Variants in DLG5 observed in about 807,000 individuals in gnomAD.
The protein encoded by DLG5 is disks large homolog 5.
DLG5 carries 48 observed loss-of-function variants against 189.8 expected under a neutral mutation model. The ratio of observed to expected loss-of-function variants is 0.25; its 90% CI spans 0.20 to 0.32. The LOEUF (loss-of-function observed/expected upper bound fraction) is 0.32. DLG5 is among the 10% of genes least tolerant of loss of function. The pLI, the probability that DLG5 is intolerant of heterozygous loss-of-function variation, is 1.00. For synonymous variants in DLG5, 1,016 were observed against 1,054.1 expected, an observed-to-expected ratio of 0.96 and a Z score of 0.70; for missense variants, 2,160 against 2,544.7, an observed-to-expected ratio of 0.85 and a Z score of 3.25.
intron 7 of DLG5, 49 bp downstream of exon 7, chr10:77,841,831 CG>C: frequency 6.4e-7 from 1 of 1,565,100 alleles, no homozygotes; most frequent in Non-Finnish European, 8.7e-7. Context: ...CCCCTCTTCC[CG>C]GGATGCTGTA....
rs201511079 is a variant in DLG5 at position 77,843,672 on chromosome 10, T to C, written c.899A>G (p.Asn300Ser). ...GTCCATGGCCGTGTCATACAGTTTG[T>C]TGAGAATCTCGGATGACCCGTTGTG... ...LKHNGSSEIL[N>S]KLYDTAMDKL... is the part of the protein sequence containing the mutation. Residue 300 changes from asparagine to serine, a missense_variant, in exon 6 of 32, where the codon AAC becomes AGC. Asn to Ser is a conservative substitution (Grantham distance 46). Around this residue, in one of 5 missense-constraint regions of DLG5, gnomAD observed 664 missense variants for 838.5 expected, o/e 0.79. Coordinates refer to ENST00000372391, the MANE Select transcript of DLG5 (RefSeq NM_004747.4). 10 of 1,614,078 alleles carry C rather than the reference T, an allele frequency of 6.2e-6. No individual in the cohort carries two copies. Among genetic ancestry groups the C allele is most frequent in the Admixed American group, 3.3e-5 (2 of 59,994 alleles).
At chr10:77,886,364 G>A (rs1179562684) in intron 1 of DLG5, among the ~76,000 whole-genome samples, 3 of 145,642 alleles carry the variant, frequency 2.1e-5, no homozygotes, top group East Asian at 4.1e-4. Flanking sequence ...CTAGAGAACC[G>A]TGTGAGAGTA....
At chr10:77,918,433 G>A (rs940377239) in intron 1 of DLG5, among the ~76,000 whole-genome samples, 1 of 151,812 alleles carries the variant, frequency 6.6e-6, no homozygotes, top group African/African-American at 2.4e-5. Flanking sequence ...AGGTTCAAAT[G>A]GTAAATTTCA....
intron 14 of DLG5, among the ~76,000 whole-genome samples, chr10:77,822,386 C>A (rs1366797586): frequency 2.0e-5 from 3 of 152,198 alleles, no homozygotes; most frequent in African/African-American, 7.2e-5. Flanking sequence ...TGGCTCATGC[C>A]TGTAATCCCA....
chr10:77,868,373 G>C (rs927005619), intron 2 of DLG5: 7 of 350,928 alleles, frequency 2.0e-5, no homozygotes, highest in South Asian at 4.3e-5. Flanking sequence ...TGGCACACTG[G>C]AGGTGTTCAA....
At chr10:77,797,675 G>A (rs369626115) in intron 27 of DLG5, among the ~76,000 whole-genome samples, 14 of 152,296 alleles carry the variant, frequency 9.2e-5, no homozygotes, top group African/African-American at 3.4e-4. Context: ...GGGAGGAAGG[G>A]TCCATGAGAG....
At chr10:77,886,172 G>A (rs749564318) in intron 1 of DLG5, among the ~76,000 whole-genome samples, 1 of 152,102 alleles carries the variant, frequency 6.6e-6, no homozygotes, top group Non-Finnish European at 1.5e-5. Context: ...CTATCCCCAG[G>A]AATCAGCACC....
chr10:77,825,424 T>A (rs1842585008), intron 13 of DLG5, among the ~76,000 whole-genome samples: 1 of 102,572 alleles, frequency 9.7e-6, no homozygotes, highest in African/African-American at 3.4e-5. Context: ...ACAGTACCAA[T>A]GTCAATATGC....
At chr10:77,855,565 T>A (rs908820359) in intron 3 of DLG5, among the ~76,000 whole-genome samples, 1 of 152,260 alleles carries the variant, frequency 6.6e-6, no homozygotes, top group Non-Finnish European at 1.5e-5. Flanking sequence ...CCAATGAGCA[T>A]GGCTGTGTTC....
intron 2 of DLG5, chr10:77,868,271 CTTAT>C: frequency 2.7e-6 from 1 of 369,398 alleles, no homozygotes; most frequent in Non-Finnish European, 5.4e-6. Flanking sequence ...ACTGCAGCTA[CTTAT>C]TTAACTGTTT....
intron 9 of DLG5, among the ~76,000 whole-genome samples, chr10:77,832,898 C>CT (rs1303426472): frequency 1.3e-5 from 2 of 152,188 alleles, no homozygotes; most frequent in Non-Finnish European, 2.9e-5. Context: ...AGCACCCAAG[C>CT]TCCAGAGAGT....
chr10:77,886,954 C>A (rs2579139), intron 1 of DLG5, among the ~76,000 whole-genome samples: 1 of 152,020 alleles, frequency 6.6e-6, no homozygotes, highest in South Asian at 2.1e-4. Flanking sequence ...ATCTGACGCC[C>A]TGACCTTGGA....
Position 77,841,971 on chromosome 10 carries a change from C to A in DLG5, c.1347G>T (p.Leu449=). 6.2e-7 allele frequency: 1 copy of A among 1,614,186 alleles called. No individual in the cohort carries two copies. Among genetic ancestry groups the A allele is most frequent in the Non-Finnish European group, 8.5e-7 (1 of 1,180,050 alleles). ...ACTCGGCCAGCTCCACTTCGGTCTG[C>A]AGCTTGTCCAGCTCAGAGATGACCT... The part of the protein sequence containing the change: ...RDQVISELDK[L]QTEVELAESK... Residue 449 remains leucine (L), a synonymous_variant, in exon 7 of 32, where the codon CTG becomes CTT. Transcript: ENST00000372391.
chr10:77,909,467 C>A (rs569273823), intron 1 of DLG5, among the ~76,000 whole-genome samples: 13 of 151,952 alleles, frequency 8.6e-5, no homozygotes, highest in African/African-American at 2.9e-4. Context: ...AACAAGCCTG[C>A]GTGTTCTGCA....
intron 1 of DLG5, among the ~76,000 whole-genome samples, chr10:77,917,285 T>C (rs1480579311): frequency 6.6e-6 from 1 of 151,584 alleles, no homozygotes; most frequent in Non-Finnish European, 1.5e-5. Flanking sequence ...GAGCTTGCAG[T>C]GAGCCGAGAT....
At chr10:77,911,128 TATTG>T (rs750710744) in intron 1 of DLG5, among the ~76,000 whole-genome samples, 26 of 152,242 alleles carry the variant, frequency 1.7e-4, no homozygotes, top group East Asian at 5.8e-4. Context: ...TAAAGTGTTT[TATTG>T]ATTGATTGAT....
chr10:77,793,965 T>C (rs1299764078), intron 31 of DLG5, 43 bp downstream of exon 31: 1 of 1,571,270 alleles, frequency 6.4e-7, no homozygotes, highest in Non-Finnish European at 8.8e-7. Flanking sequence ...CTCTGCTTCC[T>C]TCCCTGCTGC....
intron 12 of DLG5, 38 bp downstream of exon 12, chr10:77,829,317 C>T (rs922879622): frequency 1.9e-6 from 3 of 1,611,918 alleles, no homozygotes; most frequent in Non-Finnish European, 2.5e-6. Context: ...AGGGCCCCAG[C>T]CACCTGAGGC....
At chr10:77,802,156 C>T (rs757773696) in intron 27 of DLG5, among the ~76,000 whole-genome samples, 11 of 152,154 alleles carry the variant, frequency 7.2e-5, no homozygotes, top group Non-Finnish European at 1.5e-4. Flanking sequence ...ACCCAGTGGT[C>T]CTGAGTGTGG....
Sources: allele counts gnomAD v4.1 joint callset (sites outside exome capture counted in the v4.1 genomes callset), GRCh38; gene constraint gnomAD v4.1.1; regional missense constraint gnomAD v4.1.1; transcripts MANE v1.5; gene names NCBI Gene and HGNC (gene_info 2026-07-23, HGNC 2026-07-21).